Variants in CNTN5 observed in about 807,000 individuals in gnomAD.
The protein encoded by CNTN5 is contactin-5.
A neutral mutation model predicts 129.1 loss-of-function variants in CNTN5; 77 were observed. The observed-to-expected ratio is 0.60, with a 90% confidence interval of 0.50 to 0.72. The LOEUF (loss-of-function observed/expected upper bound fraction) is 0.72, where lower values mean the gene tolerates loss of function less well. Among genes scored for constraint, CNTN5 ranks in the 30% least tolerant of loss-of-function variants. The pLI is 0.00. For missense variants in CNTN5, 1,478 were observed against 1,328.8 expected, an observed-to-expected ratio of 1.11 and a Z score of -1.75; for synonymous variants, 509 against 465.6, an observed-to-expected ratio of 1.09 and a Z score of -1.20.
intron 18 of CNTN5, among the ~76,000 whole-genome samples, chr11:100,293,305 T>G (rs1393334265): frequency 6.6e-6 from 1 of 151,828 alleles, no homozygotes; most frequent in African/African-American, 2.4e-5. Flanking sequence ...ATTCTTACAT[T>G]TCCTGAAATA....
Position 99,819,528 on chromosome 11 carries a change from A to C in CNTN5, c.56-16A>C. 1 of 1,581,818 alleles carries C rather than the reference A, an allele frequency of 6.3e-7. No individual in the cohort carries two copies. Among genetic ancestry groups the C allele is most frequent in the Non-Finnish European group, 8.7e-7 (1 of 1,156,004 alleles). On this transcript the variant is annotated splice_polypyrimidine_tract_variant and intron_variant, in intron 3 of 24. Transcript: ENST00000524871. ...TTCCTCAAAATTCAGATTTTATTAT[A>C]TTTTTTCTCTTACAGAGTATTCAAA...
chr11:99,929,040 C>T (rs891241006), intron 7 of CNTN5, among the ~76,000 whole-genome samples: 3 of 152,142 alleles, frequency 2.0e-5, no homozygotes, highest in Admixed American at 6.5e-5. Flanking sequence ...ATCTCTCTCA[C>T]GTTTAAAGTT....
chr11:100,032,049 C>A (rs1467708128), intron 9 of CNTN5, among the ~76,000 whole-genome samples: 1 of 152,156 alleles, frequency 6.6e-6, no homozygotes, highest in African/African-American at 2.4e-5. Flanking sequence ...GGGCTGCTGG[C>A]CAGATCCCAC....
chr11:100,061,085 A>C (rs1943455498), intron 9 of CNTN5, 127 bp from the exon 10 acceptor site: 5 of 644,772 alleles, frequency 7.8e-6, no homozygotes, highest in Non-Finnish European at 1.2e-5. Context: ...ATCAACCAGC[A>C]CATGGTCCTT....
chr11:100,053,624 C>G (rs1943074658), intron 9 of CNTN5, among the ~76,000 whole-genome samples: 1 of 151,602 alleles, frequency 6.6e-6, no homozygotes, highest in Admixed American at 6.6e-5. Flanking sequence ...TGTTGGTAGA[C>G]ATGTTAAATT....
chr11:100,220,787 T>A (rs542421975), intron 15 of CNTN5, among the ~76,000 whole-genome samples: 17 of 152,210 alleles, frequency 1.1e-4, no homozygotes, highest in Middle Eastern at 3.2e-3. Flanking sequence ...GAGCAGGGAT[T>A]CACACAATTC....
At chr11:99,807,542 G>A (rs781464113) in intron 3 of CNTN5, among the ~76,000 whole-genome samples, 2 of 152,246 alleles carry the variant, frequency 1.3e-5, no homozygotes, top group Admixed American at 6.5e-5. Flanking sequence ...TTAAGATGGA[G>A]CCTCACTCTG....
intron 9 of CNTN5, among the ~76,000 whole-genome samples, chr11:100,050,723 A>G (rs1406692059): frequency 6.6e-6 from 1 of 152,104 alleles, no homozygotes; most frequent in Admixed American, 6.6e-5. Context: ...ATATGAAGAT[A>G]TATATGTTAA....
intron 3 of CNTN5, among the ~76,000 whole-genome samples, chr11:99,708,969 A>G (rs952714823): frequency 1.3e-5 from 2 of 151,924 alleles, no homozygotes; most frequent in African/African-American, 2.4e-5. Context: ...CTATGTATCC[A>G]TTCACATTCA....
At chr11:100,039,954 C>T (rs12808694) in intron 9 of CNTN5, among the ~76,000 whole-genome samples, 20,103 of 152,072 alleles carry the variant, frequency 0.13, 1,364 homozygotes, top group Non-Finnish European at 0.14. Context: ...TGTCTGAAGC[C>T]GTCTTCTCTC....
intron 1 of CNTN5, among the ~76,000 whole-genome samples, chr11:99,231,970 C>T (rs1861022758): frequency 6.6e-6 from 1 of 151,888 alleles, no homozygotes; most frequent in Non-Finnish European, 1.5e-5. Flanking sequence ...GTTGTGTGGT[C>T]TTATTTCCGA....
intron 21 of CNTN5, among the ~76,000 whole-genome samples, chr11:100,338,289 A>G (rs1952079000): frequency 6.6e-6 from 1 of 152,140 alleles, no homozygotes; most frequent in African/African-American, 2.4e-5. Context: ...CAGAGCCTAT[A>G]ATGGCTTCCT....
intron 6 of CNTN5, among the ~76,000 whole-genome samples, chr11:99,899,722 A>G (rs780309522): frequency 3.9e-5 from 6 of 152,004 alleles, no homozygotes; most frequent in Admixed American, 6.6e-5. Flanking sequence ...TGATTTTGGT[A>G]TCATGGTGAT....
At chr11:99,167,810 A>C (rs1192712407) in intron 1 of CNTN5, among the ~76,000 whole-genome samples, 1 of 152,184 alleles carries the variant, frequency 6.6e-6, no homozygotes, top group African/African-American at 2.4e-5. Flanking sequence ...AATGTATCAT[A>C]ATCTATTTTG....
chr11:99,433,583 C>T (rs1016014551), intron 2 of CNTN5, among the ~76,000 whole-genome samples: 4 of 152,000 alleles, frequency 2.6e-5, no homozygotes, highest in Non-Finnish European at 5.9e-5. Flanking sequence ...TTCTAATCTT[C>T]TCTGATAGGT....
intron 4 of CNTN5, among the ~76,000 whole-genome samples, chr11:99,829,044 A>G (rs1145408): frequency 0.77 from 116,859 of 152,014 alleles, 44,888 homozygotes; most frequent in Admixed American, 0.8. Context: ...TTTAGTGATT[A>G]TGTTGTGATG....
At chr11:100,319,813 C>T (rs1951650159) in intron 21 of CNTN5, among the ~76,000 whole-genome samples, 1 of 152,138 alleles carries the variant, frequency 6.6e-6, no homozygotes, top group African/African-American at 2.4e-5. Flanking sequence ...ATTTGTCTTT[C>T]TGTGCCTGGC....
At chr11:100,145,834 C>A (rs1453206538) in intron 13 of CNTN5, among the ~76,000 whole-genome samples, 4 of 152,100 alleles carry the variant, frequency 2.6e-5, no homozygotes, top group African/African-American at 9.7e-5. Context: ...TGCTCACAAA[C>A]CATGAGAGGA....
chr11:100,272,287 C>T (rs1360139400), intron 18 of CNTN5, among the ~76,000 whole-genome samples: 1 of 152,068 alleles, frequency 6.6e-6, no homozygotes, highest in Admixed American at 6.6e-5. Context: ...CTTTATGTCC[C>T]CCTACACACA....
Sources: allele counts gnomAD v4.1 joint callset (sites outside exome capture counted in the v4.1 genomes callset), GRCh38; gene constraint gnomAD v4.1.1; transcripts MANE v1.5; gene names NCBI Gene and HGNC (gene_info 2026-07-23, HGNC 2026-07-21).